MSR1: variants seen among roughly 807,000 people sequenced by gnomAD.
MSR1 encodes the protein macrophage scavenger receptor 1.
MSR1 carries 53 observed loss-of-function variants against 47.2 expected under a neutral mutation model. The ratio of observed to expected loss-of-function variants is 1.12; its 90% CI spans 0.90 to 1.41. The LOEUF is 1.41. MSR1 is among the 40% of genes most tolerant of loss of function. The probability of loss-of-function intolerance (pLI) is 0.00; values close to 1 mark genes in which losing one functional copy is unlikely to be tolerated. For missense variants in MSR1, 786 were observed against 546.9 expected (o/e 1.44, Z -4.36); for synonymous variants, 239 against 185.6 (o/e 1.29, Z -2.34).
rs747807417 is a variant in MSR1, at chr8:16,155,141, G to A, written c.821C>T (p.Pro274Leu). 1.2e-6 allele frequency: 2 copies of A among 1,610,774 alleles called. No individual in the cohort carries two copies. Among genetic ancestry groups the A allele is most frequent in the South Asian group, 2.2e-5 (2 of 90,910 alleles). ...TLRNITLIQG[P>L]PGPPGEKGDR... Reference sequence around the variant, plus strand: ...TCCTTTTTCACCCGGGGGTCCAGGAGGACCTTTAAAAAAATTACAGTTACT... The same window carrying A: ...TCCTTTTTCACCCGGGGGTCCAGGAAGACCTTTAAAAAAATTACAGTTACT... Residue 274 changes from proline to leucine, a missense_variant, in exon 6 of 10, where the codon CCT becomes CTT. Pro to Leu is a moderately conservative substitution (Grantham distance 98). Coordinates refer to ENST00000262101, the MANE Select transcript of MSR1 (RefSeq NM_138715.3).
Position 16,168,460 on chromosome 8 carries a change from CTTG to C in MSR1, c.625_627del (p.Gln209del). ...CCTTGCAGTCCACAAACTCTTACCT[CTTG>C]TTGTTTGAAGGTATTCTCTTGGATT... is the stretch of plus-strand genomic sequence containing the variant. On this transcript the variant is annotated inframe_deletion, in exon 4 of 10. Transcript: ENST00000262101. The C allele has an allele frequency of 6.2e-7, 1 of 1,614,034 alleles. No individual in the cohort carries two copies.
chr8:16,131,810 C>T (rs778033222), intron 8 of MSR1, among the ~76,000 whole-genome samples: 1 of 151,910 alleles, frequency 6.6e-6, no homozygotes, highest in Non-Finnish European at 1.5e-5. Flanking sequence ...GGCAATGTTT[C>T]TGGGTTCTCT....
At chr8:16,148,841 T>C (rs73530315) in intron 7 of MSR1, among the ~76,000 whole-genome samples, 171 of 152,198 alleles carry the variant, frequency 1.1e-3, no homozygotes, top group African/African-American at 3.1e-3. Context: ...TGGAATACTA[T>C]TGAGTAATAA....
chr8:16,110,067 G>A lies in MSR1; in HGVS notation c.*18C>T, dbSNP rs1231750270. 5 of 1,612,974 alleles carry A rather than the reference G, an allele frequency of 3.1e-6. No homozygotes were observed. Among genetic ancestry groups the A allele is most frequent in the Non-Finnish European group, 4.2e-6 (5 of 1,179,290 alleles). ...TTTTGAGCAGCGATTTCATAGTTGT[G>A]AATGAAAATATGATGCATTATAAAG... On this transcript the variant is annotated 3_prime_UTR_variant, in exon 10 of 10. Transcript: ENST00000262101.
At chr8:16,138,620 A>G (rs1800449624) in intron 8 of MSR1, among the ~76,000 whole-genome samples, 2 of 152,120 alleles carry the variant, frequency 1.3e-5, no homozygotes. Context: ...CATCTCTGGG[A>G]CCGAGGCCAT....
rs140159760 is a variant in MSR1 at position 16,180,234 on chromosome 8, AAT to A, written c.-4-2244_-4-2243del. Among the ~76,000 whole-genome samples the A allele has an allele frequency of 8.5e-3, 1,290 of 151,986 alleles. 22 individuals carry two copies. The highest frequency in any genetic ancestry group is 0.03 in the African/African-American group (1,233 of 41,424). On this transcript the variant is annotated intron_variant, in intron 1 of 9. Coordinates refer to ENST00000262101, the MANE Select transcript of MSR1 (RefSeq NM_138715.3). ...CTCATTTTACATTGGCAGCCATATA[AAT>A]ATGTCCTTGTACCTTTTCCAGCATA...
At chr8:16,167,771 G>C (rs34782130) in intron 4 of MSR1, among the ~76,000 whole-genome samples, 473 of 151,816 alleles carry the variant, frequency 3.1e-3, no homozygotes, top group Non-Finnish European at 5.6e-3. Context: ...TAACATTTTC[G>C]CTTTCTGTCT....
intron 1 of MSR1, among the ~76,000 whole-genome samples, chr8:16,179,758 T>C (rs1801769338): frequency 1.3e-5 from 2 of 149,302 alleles, no homozygotes; most frequent in South Asian, 2.1e-4. Flanking sequence ...GCACCTGTAA[T>C]CCCAGCTATT....
At position 16,179,835 on chromosome 8, in the gene MSR1, C is replaced by T. The variant is rs1801772197; in HGVS notation, c.-4-1843G>A. ...GAACTTGCAGTGAGCCGACATTGCACCGCTGAACTCTAGCCCGGGCAAGAA... is the reference window on the plus strand; with the variant it reads ...GAACTTGCAGTGAGCCGACATTGCATCGCTGAACTCTAGCCCGGGCAAGAA... On this transcript the variant is annotated intron_variant, in intron 1 of 9. Transcript: ENST00000262101. Among the ~76,000 whole-genome samples, 3 of 146,614 alleles carry T rather than the reference C, an allele frequency of 2.0e-5. No individual in the cohort carries two copies. In the South Asian group the frequency reaches 6.4e-4, roughly 31 times the overall value.
intron 5 of MSR1, among the ~76,000 whole-genome samples, chr8:16,159,451 A>G (rs548131048): frequency 5.5e-4 from 83 of 151,954 alleles, no homozygotes; most frequent in Non-Finnish European, 9.9e-4. Context: ...TATTTGAGAA[A>G]TGTATTAAAA....
chr8:16,167,080 G>C (rs779908007), intron 4 of MSR1, among the ~76,000 whole-genome samples: 1 of 152,064 alleles, frequency 6.6e-6, no homozygotes, highest in Non-Finnish European at 1.5e-5. Flanking sequence ...CTTTTCTAAT[G>C]CTGGAATTCC....
chr8:16,175,623 T>C (rs1394737821), intron 2 of MSR1, among the ~76,000 whole-genome samples: 1 of 152,198 alleles, frequency 6.6e-6, no homozygotes, highest in African/African-American at 2.4e-5. Flanking sequence ...CAAACATAAA[T>C]TTTATTCAAT....
At chr8:16,171,111 C>A (rs1184415323) in intron 3 of MSR1, among the ~76,000 whole-genome samples, 2 of 151,560 alleles carry the variant, frequency 1.3e-5, no homozygotes, top group African/African-American at 4.9e-5. Flanking sequence ...GCAGTCCCAG[C>A]TGCTCGGGAG....
In MSR1 at chr8:16,155,070, G is replaced by A. The variant is rs1213880832; in HGVS notation, c.892C>T (p.Pro298Ser). 1.2e-6 allele frequency: 2 copies of A among 1,611,010 alleles called. No homozygotes were observed. Among genetic ancestry groups the A allele is most frequent in the Non-Finnish European group, 1.7e-6 (2 of 1,177,830 alleles). The change falls in exon 6 of 10, where the codon CCA (proline) becomes TCA (serine). Residue 298 changes from proline to serine, a missense_variant. Pro to Ser is a moderately conservative substitution (Grantham distance 74, BLOSUM62 -1). Coordinates refer to ENST00000262101, the MANE Select transcript of MSR1 (RefSeq NM_138715.3). Reference protein sequence around the residue: ...GESGPRGFPGPIGPPGLKGDR... With the variant: ...GESGPRGFPGSIGPPGLKGDR... Reference sequence around the variant, plus strand: ...ATAGCTAAAATTACCATACCTATTGGACCTGGAAATCCTCGTGGACCACTT... The same window carrying A: ...ATAGCTAAAATTACCATACCTATTGAACCTGGAAATCCTCGTGGACCACTT...
At chr8:16,126,888 G>C (rs1024336517) in intron 8 of MSR1, among the ~76,000 whole-genome samples, 4 of 152,082 alleles carry the variant, frequency 2.6e-5, no homozygotes, top group Non-Finnish European at 4.4e-5. Context: ...TTACTTAATG[G>C]TTCTAAATCC....
At chr8:16,186,175 G>C (rs1384679465) in intron 1 of MSR1, 16 of 1,535,104 alleles carry the variant, frequency 1.0e-5, no homozygotes, top group Non-Finnish European at 1.4e-5. Context: ...TTGTTGAGAA[G>C]AGAGATACTG....
chr8:16,160,193 C>A (rs1289823158), intron 5 of MSR1, among the ~76,000 whole-genome samples: 1 of 150,988 alleles, frequency 6.6e-6, no homozygotes, highest in Non-Finnish European at 1.5e-5. Flanking sequence ...ACAGTCTGGG[C>A]AGGAAACAAT....
Position 16,186,374 on chromosome 8 carries a change from T to A in MSR1, c.-5+6224A>T, listed in dbSNP as rs1802000323. On this transcript the variant is annotated intron_variant, in intron 1 of 9. Transcript: ENST00000262101. The stretch of plus-strand genomic sequence containing the variant: ...AAATATAATCTAGAAGGCTGATGAC[T>A]CTTAAGTCTTTATCTCTTGCCCATA... 2.0e-5 allele frequency: 12 copies of A among 594,670 alleles called. No individual in the cohort carries two copies. In the South Asian group the frequency reaches 2.7e-4, roughly 14 times the overall value. 36.8% of individuals were successfully genotyped at this position (594,670 alleles called of 1,614,324 possible).
At chr8:16,144,404 T>C (rs1800643780) in intron 7 of MSR1, among the ~76,000 whole-genome samples, 1 of 152,092 alleles carries the variant, frequency 6.6e-6, no homozygotes, top group Admixed American at 6.6e-5. Flanking sequence ...AATTACTACC[T>C]TGACATAAAT....
Sources: gnomAD v4.1 joint callset for allele counts (sites outside exome capture counted in the v4.1 genomes callset) on GRCh38, gnomAD v4.1.1 for gene constraint, MANE v1.5 for transcripts, NCBI Gene and HGNC (gene_info 2026-07-23, HGNC 2026-07-21) for gene names.